The following DMXL2 variants were observed in gnomAD, a reference collection of about 807,000 sequenced individuals.
The protein encoded by DMXL2 is dmX-like protein 2.
In DMXL2, 103 loss-of-function variants were observed where a neutral mutation model predicts 331.1. That is an observed-to-expected ratio of 0.31 (90% CI 0.27 to 0.37). DMXL2 has a LOEUF of 0.37. Among genes scored for constraint, DMXL2 ranks in the 10% least tolerant of loss-of-function variants. DMXL2 has a pLI of 1.00. For synonymous variants in DMXL2, 1,281 were observed against 1,252.1 expected, an observed-to-expected ratio of 1.02 and a Z score of -0.49; for missense variants, 3,171 against 3,642.9, an observed-to-expected ratio of 0.87 and a Z score of 3.33.
At position 51,538,418 on chromosome 15, in the gene DMXL2, A is replaced by G. The variant is rs1248398422; in HGVS notation, c.1140T>C (p.Asn380=). The stretch of plus-strand genomic sequence containing the variant: ...CAAAGCCCCCATTTCCATCATCAAC[A>G]TTAAATGCAGTGCCAACCAAGACAT... ...IPNVLVGTAF[N]VDDGNGGFVV... Residue 380 remains asparagine (N), a synonymous_variant, in exon 10 of 44, where the codon AAT becomes AAC. Transcript: ENST00000560891. 5 of 1,612,578 alleles carry G rather than the reference A, an allele frequency of 3.1e-6. No individual in the cohort carries two copies. In the South Asian group the frequency reaches 3.3e-5, roughly 11 times the overall value.
intron 1 of DMXL2, among the ~76,000 whole-genome samples, chr15:51,599,847 G>A (rs2053102394): frequency 2.0e-5 from 3 of 152,206 alleles, no homozygotes; most frequent in Admixed American, 6.5e-5. Flanking sequence ...TTACAGGCAC[G>A]TGCCAACATG....
intron 17 of DMXL2, among the ~76,000 whole-genome samples, chr15:51,501,339 G>T (rs1374215393): frequency 6.6e-6 from 1 of 152,146 alleles, no homozygotes; most frequent in Non-Finnish European, 1.5e-5. Context: ...TCTGCAAGTA[G>T]ATCACTTTAA....
At chr15:51,476,050 G>A (rs1338655919) in intron 27 of DMXL2, among the ~76,000 whole-genome samples, 1 of 152,044 alleles carries the variant, frequency 6.6e-6, no homozygotes, top group African/African-American at 2.4e-5. Context: ...TTTCTACAAG[G>A]CAATGGTTAC....
intron 29 of DMXL2, among the ~76,000 whole-genome samples, chr15:51,470,541 G>C: frequency 6.6e-6 from 1 of 152,104 alleles, no homozygotes; most frequent in Non-Finnish European, 1.5e-5. Context: ...CAATAACTCT[G>C]AGATCTAATA....
intron 16 of DMXL2, among the ~76,000 whole-genome samples, chr15:51,503,439 C>A (rs548192105): frequency 6.6e-6 from 1 of 152,158 alleles, no homozygotes; most frequent in South Asian, 2.1e-4. Context: ...TTGGAAATTG[C>A]AGGTCAGTAT....
chr15:51,538,481 AT>A (rs768688357), intron 9 of DMXL2, 29 bp from the exon 10 acceptor site: 85 of 1,510,304 alleles, frequency 5.6e-5, no homozygotes, highest in South Asian at 4.2e-4. Flanking sequence ...TTTCAATATA[AT>A]TTTTTTTATT....
chr15:51,475,478 A>G (rs2041496949), intron 27 of DMXL2, among the ~76,000 whole-genome samples: 1 of 152,156 alleles, frequency 6.6e-6, no homozygotes, highest in Non-Finnish European at 1.5e-5. Context: ...TGGGCGACAG[A>G]GCAAGACTCT....
intron 13 of DMXL2, among the ~76,000 whole-genome samples, chr15:51,518,263 G>A (rs1191630663): frequency 6.6e-6 from 1 of 152,122 alleles, no homozygotes; most frequent in Non-Finnish European, 1.5e-5. Flanking sequence ...AACCTGGGAG[G>A]CGGAGGTTGC....
Position 51,465,620 on chromosome 15 carries a change from G to C in DMXL2, c.7552C>G (p.Leu2518Val). ...AAATTCTTGACATTGTGAAGTGCTAGTTTAACCATTGTCAAATGTAGAAGA... is the reference window on the plus strand; with the variant it reads ...AAATTCTTGACATTGTGAAGTGCTACTTTAACCATTGTCAAATGTAGAAGA... ...WALLHLTMVKLALHNVKNFFP... is the reference protein window; with the variant it reads ...WALLHLTMVKVALHNVKNFFP... The change falls in exon 31 of 44, where the codon CTA becomes GTA. Residue 2518 changes from leucine (L) to valine (V), a missense_variant. Around this residue, in one of 7 missense-constraint regions of DMXL2, gnomAD observed 766 missense variants for 940.5 expected, o/e 0.81. Coordinates refer to ENST00000560891, the MANE Select transcript of DMXL2 (RefSeq NM_001378457.1). The C allele has an allele frequency of 1.2e-6, 2 of 1,606,432 alleles. No individual in the cohort carries two copies. The highest frequency in any genetic ancestry group is 1.1e-5 in the South Asian group (1 of 88,832).
intron 20 of DMXL2, among the ~76,000 whole-genome samples, chr15:51,490,347 T>C (rs1160331219): frequency 6.6e-6 from 1 of 152,226 alleles, no homozygotes; most frequent in East Asian, 1.9e-4. Flanking sequence ...ATATGCATTT[T>C]ACATAAGTTT....
chr15:51,521,026 CTTA>C (rs914320580), intron 13 of DMXL2, among the ~76,000 whole-genome samples: 4 of 152,124 alleles, frequency 2.6e-5, no homozygotes, highest in African/African-American at 9.7e-5. Context: ...TTCCAAAGCA[CTTA>C]TTTTTATAAA....
chr15:51,459,794 A>G, intron 33 of DMXL2, 134 bp from the exon 34 acceptor site: 1 of 1,212,960 alleles, frequency 8.2e-7, no homozygotes, highest in Non-Finnish European at 1.1e-6. Context: ...AAATCAAGAA[A>G]AAATTAAACC....
intron 41 of DMXL2, among the ~76,000 whole-genome samples, chr15:51,452,365 T>C (rs2037759416): frequency 6.6e-6 from 1 of 152,078 alleles, no homozygotes; most frequent in South Asian, 2.1e-4. Flanking sequence ...ACAATGTATA[T>C]ATCTGACAAG....
chr15:51,564,940 A>T, intron 4 of DMXL2, 148 bp downstream of exon 4: 1 of 487,068 alleles, frequency 2.1e-6, no homozygotes, highest in Non-Finnish European at 3.5e-6. Flanking sequence ...AAAGCACTGT[A>T]TACCAAGAAG....
chr15:51,614,143 G>A (rs1349642757), intron 1 of DMXL2, among the ~76,000 whole-genome samples: 4 of 152,122 alleles, frequency 2.6e-5, no homozygotes, highest in Non-Finnish European at 5.9e-5. Flanking sequence ...GCAAGTGCAT[G>A]TACACAAAGG....
chr15:51,600,747 A>G (rs1277597586), intron 1 of DMXL2, among the ~76,000 whole-genome samples: 1 of 152,204 alleles, frequency 6.6e-6, no homozygotes, highest in African/African-American at 2.4e-5. Context: ...AAGAACCACA[A>G]GGGTATCTGC....
In DMXL2 at chr15:51,564,172, A is replaced by G; in HGVS notation, c.453T>C (p.Asn151=). 6.2e-7 allele frequency: 1 copy of G among 1,606,974 alleles called. No homozygotes were observed. Among genetic ancestry groups the G allele is most frequent in the Non-Finnish European group, 8.5e-7 (1 of 1,177,164 alleles). Residue 151 remains asparagine (N), a synonymous_variant, in exon 5 of 44, where the codon AAT becomes AAC. Coordinates refer to ENST00000560891, the MANE Select transcript of DMXL2 (RefSeq NM_001378457.1). ...AATCATTTAAAACAGGAGGAACTGT[A>G]TTATCAATTTCTTCCTCCTCTTCCA... ...DILEEEEEID[N]TVPPVLNDWK...
intron 1 of DMXL2, among the ~76,000 whole-genome samples, chr15:51,602,570 A>C (rs1170712253): frequency 1.3e-5 from 2 of 152,232 alleles, no homozygotes; most frequent in African/African-American, 4.8e-5. Context: ...GCAACTCAAC[A>C]AACTTGCTTG....
At position 51,583,125 on chromosome 15, in the gene DMXL2, T is replaced by G. The variant is rs1369298646; in HGVS notation, c.88-6944A>C. Among the ~76,000 whole-genome samples the G allele has an allele frequency of 9.7e-3, 1,352 of 138,742 alleles. 20 individuals are homozygous for G. Among genetic ancestry groups the G allele is most frequent in the African/African-American group, 0.034 (1,299 of 38,376 alleles). The allele number at this position is 138,742 out of a possible 152,430, so 91.0% of individuals were successfully genotyped here. A position where few individuals can be genotyped will look rare whatever the true frequency, so the allele number is the denominator to read the frequency against. On this transcript the variant is annotated intron_variant, in intron 1 of 43. Transcript: ENST00000560891. ...ATTCTTCTTTTTTTTTTTTTTCTTT[T>G]TTTTTTTTTTTTTATTATACTCTAA...
Sources: allele counts gnomAD v4.1 joint callset (sites outside exome capture counted in the v4.1 genomes callset), GRCh38; gene constraint gnomAD v4.1.1; regional missense constraint gnomAD v4.1.1; transcripts MANE v1.5; gene names NCBI Gene and HGNC (gene_info 2026-07-23, HGNC 2026-07-21).